Variants in VWF observed in about 807,000 individuals in gnomAD.
The protein encoded by VWF is Factor VIII related antigen.
VWF carries 176 observed loss-of-function variants against 308.6 expected under a neutral mutation model. The ratio of observed to expected loss-of-function variants is 0.57; its 90% CI spans 0.50 to 0.65. The LOEUF (loss-of-function observed/expected upper bound fraction) is 0.65. Among genes scored for constraint, VWF ranks in the 30% least tolerant of loss-of-function variants. The pLI, the probability that VWF is intolerant of heterozygous loss-of-function variation, is 0.00. For missense variants in VWF, 3,146 were observed against 3,648.2 expected, an observed-to-expected ratio of 0.86 and a Z score of 3.55; for synonymous variants, 1,385 against 1,443.4, an observed-to-expected ratio of 0.96 and a Z score of 0.92.
intron 3 of VWF, among the ~76,000 whole-genome samples, chr12:6,119,926 G>C (rs1019861055): frequency 6.6e-6 from 1 of 152,208 alleles, no homozygotes; most frequent in Non-Finnish European, 1.5e-5. Context: ...AGATGAGTGA[G>C]ACATGCTCCT....
intron 5 of VWF, among the ~76,000 whole-genome samples, chr12:6,103,108 A>G (rs1945184142): frequency 6.6e-6 from 1 of 152,106 alleles, no homozygotes; most frequent in Admixed American, 6.6e-5. Context: ...TGGGTGGATC[A>G]CAAGGTCAGG....
chr12:5,981,645 C>G, intron 42 of VWF, 141 bp downstream of exon 42: 2 of 1,002,222 alleles, frequency 2.0e-6, no homozygotes, highest in Non-Finnish European at 3.0e-6. Flanking sequence ...TGCAAATCTT[C>G]CATGAGGAGC....
intron 1 of VWF, among the ~76,000 whole-genome samples, 173 bp from the exon 2 acceptor site, chr12:6,123,369 C>A (rs771663348): frequency 4.6e-4 from 70 of 152,336 alleles, no homozygotes; most frequent in African/African-American, 1.5e-3. Context: ...CCCGAAAAAA[C>A]CCCTGGCCAG....
chr12:6,057,415 T>C (rs542363120), intron 14 of VWF, among the ~76,000 whole-genome samples: 1 of 148,458 alleles, frequency 6.7e-6, no homozygotes, highest in Non-Finnish European at 1.5e-5. Context: ...CCTGGGTTCA[T>C]GCAACCGTCC....
chr12:6,003,814 CTTT>C (rs34433330), intron 34 of VWF, among the ~76,000 whole-genome samples: 1 of 122,822 alleles, frequency 8.1e-6, no homozygotes, highest in South Asian at 2.6e-4. Context: ...CTTTCTCTCT[CTTT>C]TTTTTTTTTT....
In VWF at chr12:6,078,924, C is replaced by T. The variant is rs191373075; in HGVS notation, c.658-3373G>A. 2.0e-5 allele frequency among the ~76,000 whole-genome samples: 3 copies of T among 152,290 alleles called. No homozygotes were observed. The East Asian group carries it at 5.8e-4, about 29-fold the overall frequency. ...GAGGCATTAAATGGCTTATAGAAAG[C>T]CTTAGCAAGAAGGGTGTTTCTGATG... On this transcript the variant is annotated intron_variant, in intron 6 of 51. Transcript: ENST00000261405.
At chr12:5,992,235 G>T (rs989872781) in intron 37 of VWF, among the ~76,000 whole-genome samples, 7 of 152,210 alleles carry the variant, frequency 4.6e-5, no homozygotes, top group Non-Finnish European at 1.0e-4. Context: ...CTTTCTTGCA[G>T]CTAAGTGTAG....
rs1459885374 is a variant in VWF at position 6,025,942 on chromosome 12, G to A, written c.3072C>T (p.Ser1024=). Residue 1024 remains serine, a synonymous_variant, in exon 23 of 52, where the codon TCC becomes TCT. Coordinates refer to ENST00000261405, the MANE Select transcript of VWF (RefSeq NM_000552.5). ...VEEDPVDFGN[S]WKVSSQCADT... Reference sequence around the variant, plus strand: ...CAGCACACTGCGAGCTCACTTTCCAGGAGTTCCCAAAGTCCACAGGGTCTT... The same window carrying A: ...CAGCACACTGCGAGCTCACTTTCCAAGAGTTCCCAAAGTCCACAGGGTCTT... The A allele has an allele frequency of 1.1e-5, 18 of 1,613,870 alleles. No individual in the cohort carries two copies. In the Admixed American group the frequency reaches 3.0e-4, roughly 27 times the overall value.
At chr12:5,997,240 A>ACAGCATTCAGC (rs754015875) in intron 34 of VWF, among the ~76,000 whole-genome samples, 1 of 152,190 alleles carries the variant, frequency 6.6e-6, no homozygotes, top group Non-Finnish European at 1.5e-5. Context: ...AGTCATTTCC[A>ACAGCATTCAGC]AGTGACAGTA....
intron 34 of VWF, among the ~76,000 whole-genome samples, chr12:6,006,643 G>T (rs889864583): frequency 1.1e-4 from 17 of 152,056 alleles, no homozygotes; most frequent in African/African-American, 3.9e-4. Context: ...GCCAGGCATG[G>T]TGGCACGTGC....
intron 5 of VWF, among the ~76,000 whole-genome samples, chr12:6,104,515 G>A (rs1020475746): frequency 9.2e-5 from 14 of 151,622 alleles, no homozygotes; most frequent in Non-Finnish European, 1.2e-4. Flanking sequence ...GTGAAACCCC[G>A]CCTCTACTAA....
intron 16 of VWF, among the ~76,000 whole-genome samples, chr12:6,051,776 T>G (rs1230927813): frequency 6.6e-6 from 1 of 151,446 alleles, no homozygotes. Context: ...TGGCCAACTA[T>G]TTTTTTTTCT....
intron 31 of VWF, 138 bp from the exon 32 acceptor site, chr12:6,013,783 G>T: frequency 1.0e-6 from 1 of 974,820 alleles, no homozygotes; most frequent in Non-Finnish European, 1.6e-6. Context: ...TGAGGAAGAT[G>T]TTCAGTCAAC....
At chr12:6,093,411 G>A (rs1418726817) in intron 6 of VWF, among the ~76,000 whole-genome samples, 2 of 152,180 alleles carry the variant, frequency 1.3e-5, no homozygotes, top group African/African-American at 4.8e-5. Context: ...CTCCTTGAAG[G>A]ATCAGCTGAG....
intron 51 of VWF, among the ~76,000 whole-genome samples, chr12:5,949,438 C>T (rs1236139254): frequency 6.6e-6 from 1 of 152,092 alleles, no homozygotes; most frequent in Non-Finnish European, 1.5e-5. Context: ...AATTTTTATG[C>T]ATGTTAATGC....
At chr12:6,104,430 G>A (rs988591258) in intron 5 of VWF, among the ~76,000 whole-genome samples, 3 of 151,706 alleles carry the variant, frequency 2.0e-5, no homozygotes, top group African/African-American at 4.8e-5. Flanking sequence ...GCTCACACCT[G>A]TAATCCCAGC....
At position 6,075,044 on chromosome 12, in the gene VWF, C is replaced by T. The variant is rs1275117122; in HGVS notation, c.874+291G>A. ...CAAGATCTTGGTGGGAAGCAGAGAA[C>T]ACTGTGTGAGTGCAGGGGTCGGATT... On this transcript the variant is annotated intron_variant, in intron 7 of 51. Transcript: ENST00000261405. The surrounding 1 kb of genome is among the most constrained non-coding windows in gnomAD (Gnocchi z 4.7). 6.6e-6 allele frequency among the ~76,000 whole-genome samples: 1 copy of T among 150,574 alleles called. No homozygotes were observed. The highest frequency in any genetic ancestry group is 6.7e-5 in the Admixed American group (1 of 15,034).
intron 13 of VWF, among the ~76,000 whole-genome samples, chr12:6,061,026 C>T (rs1944649232): frequency 6.6e-6 from 1 of 152,120 alleles, no homozygotes; most frequent in Non-Finnish European, 1.5e-5. Context: ...CATGGTGAAA[C>T]CCCATCTCTA....
At chr12:6,096,729 G>A (rs549241662) in intron 5 of VWF, among the ~76,000 whole-genome samples, 1 of 152,320 alleles carries the variant, frequency 6.6e-6, no homozygotes, top group South Asian at 2.1e-4. Flanking sequence ...AATAGACTGT[G>A]AGGGCCTCGT....
Sources: allele counts gnomAD v4.1 joint callset (sites outside exome capture counted in the v4.1 genomes callset), GRCh38; gene constraint gnomAD v4.1.1; non-coding constraint Gnocchi (gnomAD v3.1); transcripts MANE v1.5; gene names NCBI Gene and HGNC (gene_info 2026-07-23, HGNC 2026-07-21).